The following UBTD1 variants were observed in gnomAD, a reference collection of about 807,000 sequenced individuals.
UBTD1 encodes the protein ubiquitin domain containing 1.
In UBTD1, 19 loss-of-function variants were observed where a neutral mutation model predicts 21.7. The observed-to-expected ratio is 0.87, with a 90% CI of 0.61 to 1.28. The LOEUF is 1.28. Ranked by LOEUF, UBTD1 falls within the 50% of genes most tolerant of loss-of-function variation. The pLI is 0.00. For missense variants in UBTD1, 282 were observed against 315.1 expected, an observed-to-expected ratio of 0.89 and a Z score of 0.80; for synonymous variants, 116 against 135.1, an observed-to-expected ratio of 0.86 and a Z score of 0.98.
intron 1 of UBTD1, among the ~76,000 whole-genome samples, chr10:97,515,764 A>T (rs1221303886): frequency 2.0e-5 from 3 of 152,062 alleles, no homozygotes; most frequent in Non-Finnish European, 4.4e-5. Context: ...CCATATTCCC[A>T]TGGGAGAAAG....
At chr10:97,565,591 G>A (rs886819475) in intron 1 of UBTD1, among the ~76,000 whole-genome samples, 2 of 152,142 alleles carry the variant, frequency 1.3e-5, no homozygotes, top group African/African-American at 4.8e-5. Flanking sequence ...GTTTGAGGCT[G>A]CAGTGAGCTA....
intron 1 of UBTD1, among the ~76,000 whole-genome samples, chr10:97,504,152 C>T (rs187206705): frequency 8.3e-4 from 127 of 152,230 alleles, no homozygotes; most frequent in African/African-American, 2.9e-3. Context: ...AAATATGTCC[C>T]GAACCTGACT....
chr10:97,536,468 AG>A (rs1472166855), intron 1 of UBTD1, among the ~76,000 whole-genome samples: 1 of 152,210 alleles, frequency 6.6e-6, no homozygotes, highest in Non-Finnish European at 1.5e-5. Flanking sequence ...TGGGTACCCC[AG>A]CTAGTGTTTG....
chr10:97,554,527 G>A (rs1025082932), intron 1 of UBTD1, among the ~76,000 whole-genome samples: 9 of 151,820 alleles, frequency 5.9e-5, no homozygotes, highest in Admixed American at 2.0e-4. Flanking sequence ...GATTACCTGC[G>A]TGAGCCACTG....
intron 1 of UBTD1, among the ~76,000 whole-genome samples, chr10:97,551,294 G>A (rs750816247): frequency 5.9e-5 from 9 of 152,034 alleles, no homozygotes; most frequent in African/African-American, 1.2e-4. Flanking sequence ...CTAGCACTTC[G>A]GGAGGCCGAG....
intron 1 of UBTD1, among the ~76,000 whole-genome samples, chr10:97,543,131 AG>A (rs1348057399): frequency 6.6e-6 from 1 of 152,262 alleles, no homozygotes; most frequent in Non-Finnish European, 1.5e-5. Context: ...CACAACACCC[AG>A]GGAACAGTCA....
chr10:97,560,738 T>A (rs1309006788), intron 1 of UBTD1, among the ~76,000 whole-genome samples: 3 of 150,742 alleles, frequency 2.0e-5, no homozygotes, highest in East Asian at 1.9e-4. Flanking sequence ...TTCCTTGAAA[T>A]TTTTTTTTTA....
Position 97,570,493 on chromosome 10 carries a change from C to T in UBTD1, c.654C>T (p.Ile218=). ...KIQKDFVIQV[I]INQPPPPQD is the part of the protein sequence containing the mutation. Reference sequence around the variant, plus strand: ...AGAAAGATTTTGTCATCCAGGTCATCATCAACCAGCCCCCACCACCCCAGG... The same window carrying T: ...AGAAAGATTTTGTCATCCAGGTCATTATCAACCAGCCCCCACCACCCCAGG... Residue 218 remains isoleucine (I), a synonymous_variant, in exon 3 of 3, where the codon ATC becomes ATT. Coordinates refer to ENST00000370664, the MANE Select transcript of UBTD1 (RefSeq NM_024954.5). This position sits in a 1 kb window ranked among gnomAD's most constrained non-coding sequence, Gnocchi z 6.6. The T allele has an allele frequency of 6.2e-7, 1 of 1,609,638 alleles. No individual in the cohort carries two copies. Among genetic ancestry groups the T allele is most frequent in the Non-Finnish European group, 8.5e-7 (1 of 1,177,394 alleles).
At chr10:97,516,403 A>G (rs1271160978) in intron 1 of UBTD1, among the ~76,000 whole-genome samples, 1 of 152,234 alleles carries the variant, frequency 6.6e-6, no homozygotes, top group Non-Finnish European at 1.5e-5. Flanking sequence ...TCTGGGTCAC[A>G]GGCAGCCAGT....
chr10:97,516,772 A>G (rs75612308), intron 1 of UBTD1, among the ~76,000 whole-genome samples: 2 of 148,506 alleles, frequency 1.3e-5, no homozygotes, highest in African/African-American at 4.9e-5. Flanking sequence ...CTCTGTCTCA[A>G]AAAAAAAAAA....
intron 1 of UBTD1, among the ~76,000 whole-genome samples, chr10:97,504,132 G>A (rs1212967114): frequency 6.6e-6 from 1 of 151,914 alleles, no homozygotes; most frequent in Non-Finnish European, 1.5e-5. Context: ...AATCCTGTTG[G>A]TTTTGCCTTA....
intron 1 of UBTD1, among the ~76,000 whole-genome samples, chr10:97,528,393 GGGGGGCT>G (rs2040504009): frequency 1.2e-5 from 1 of 81,524 alleles, no homozygotes; most frequent in Non-Finnish European, 2.6e-5. Flanking sequence ...CTGGCCGGGC[GGGGGGCT>G]GACTCCCCCA....
intron 1 of UBTD1, among the ~76,000 whole-genome samples, chr10:97,515,140 C>T (rs549814288): frequency 6.6e-6 from 1 of 152,342 alleles, no homozygotes; most frequent in East Asian, 1.9e-4. Flanking sequence ...GTTGGACTTG[C>T]TGGCCTGCAT....
intron 1 of UBTD1, among the ~76,000 whole-genome samples, chr10:97,512,595 A>G (rs1356097505): frequency 1.3e-5 from 2 of 152,246 alleles, no homozygotes; most frequent in East Asian, 1.9e-4. Flanking sequence ...GCCAGTCTTC[A>G]GGGTCAGTAG....
At chr10:97,546,385 T>A (rs1452820015) in intron 1 of UBTD1, among the ~76,000 whole-genome samples, 1 of 152,022 alleles carries the variant, frequency 6.6e-6, no homozygotes, top group Non-Finnish European at 1.5e-5. Context: ...GCTCAGGAGT[T>A]CGAGACCAGC....
chr10:97,529,600 A>G (rs75646757), intron 1 of UBTD1, among the ~76,000 whole-genome samples: 1 of 3,806 alleles, frequency 2.6e-4, no homozygotes, highest in Non-Finnish European at 6.8e-3. Flanking sequence ...CGTCTCCACC[A>G]AAAAAAAAAC....
At chr10:97,512,895 C>G (rs1386557104) in intron 1 of UBTD1, among the ~76,000 whole-genome samples, 3 of 152,230 alleles carry the variant, frequency 2.0e-5, no homozygotes, top group African/African-American at 7.2e-5. Flanking sequence ...ATGTGTCTGG[C>G]CCACCCTCTG....
At chr10:97,529,356 C>T (rs1428576626) in intron 1 of UBTD1, among the ~76,000 whole-genome samples, 6 of 152,110 alleles carry the variant, frequency 3.9e-5, no homozygotes, top group East Asian at 3.9e-4. Context: ...ACTTCCCAGA[C>T]GGGGTAGCGG....
intron 1 of UBTD1, among the ~76,000 whole-genome samples, chr10:97,564,839 C>T (rs2040709981): frequency 6.6e-6 from 1 of 152,226 alleles, no homozygotes; most frequent in African/African-American, 2.4e-5. Context: ...GTTGGGATTA[C>T]AGGCATGAGC....
Sources: allele counts gnomAD v4.1 joint callset (sites outside exome capture counted in the v4.1 genomes callset), GRCh38; gene constraint gnomAD v4.1.1; non-coding constraint Gnocchi (gnomAD v3.1); transcripts MANE v1.5; gene names NCBI Gene and HGNC (gene_info 2026-07-23, HGNC 2026-07-21).